Variants in IL1R1 observed in about 807,000 individuals in gnomAD.
The protein encoded by IL1R1 is interleukin-1 receptor type 1.
In IL1R1, 22 loss-of-function variants were observed where a neutral mutation model predicts 50.2. The ratio of observed to expected loss-of-function variants is 0.44; its 90% confidence interval spans 0.31 to 0.63. The LOEUF (loss-of-function observed/expected upper bound fraction) is 0.63. Among genes scored for constraint, IL1R1 ranks in the 20% least tolerant of loss-of-function variants. The probability of loss-of-function intolerance (pLI) is 0.07; values close to 1 mark genes in which losing one functional copy is unlikely to be tolerated. For missense variants in IL1R1, 509 were observed against 676.2 expected (o/e 0.75, Z 2.74); for synonymous variants, 251 against 236.7 (o/e 1.06, Z -0.55).
upstream of IL1R1, among the ~76,000 whole-genome samples, chr2:102,099,714 C>T (rs1680059556): frequency 6.6e-6 from 1 of 152,220 alleles, no homozygotes; most frequent in Non-Finnish European, 1.5e-5. Flanking sequence ...TCCTACCACA[C>T]ATCATTCACT....
At chr2:102,095,493 AAGGCC>A (rs1324236693) in intron 1 of IL1R1, among the ~76,000 whole-genome samples, 21 of 152,208 alleles carry the variant, frequency 1.4e-4, no homozygotes, top group Non-Finnish European at 1.8e-4. Flanking sequence ...TGTAATGTAT[AAGGCC>A]CATATAAGGC....
At chr2:102,120,553 T>C (rs762127343) in intron 1 of IL1R1, among the ~76,000 whole-genome samples, 23 of 152,196 alleles carry the variant, frequency 1.5e-4, no homozygotes, top group Non-Finnish European at 2.9e-4. Flanking sequence ...AGGGTCTGCG[T>C]TGTGTTCATT....
intron 3 of IL1R1, 144 bp downstream of exon 3, chr2:102,157,929 A>T (rs1187957935): frequency 1.6e-6 from 1 of 632,054 alleles, no homozygotes; most frequent in Non-Finnish European, 2.8e-6. Context: ...ATAGACCTGT[A>T]CTGCTGGAAG....
At chr2:102,075,234 A>G (rs1678908656) in intron 1 of IL1R1, among the ~76,000 whole-genome samples, 1 of 152,132 alleles carries the variant, frequency 6.6e-6, no homozygotes. Flanking sequence ...ATCTCATCCA[A>G]TCCAGACCAA....
chr2:102,147,866 T>C (rs952474666), intron 1 of IL1R1, among the ~76,000 whole-genome samples: 1 of 152,254 alleles, frequency 6.6e-6, no homozygotes, highest in African/African-American at 2.4e-5. Flanking sequence ...ATTTTTACTT[T>C]ATCTTCATAT....
At chr2:102,117,767 C>T (rs992564878) in intron 1 of IL1R1, among the ~76,000 whole-genome samples, 1 of 151,996 alleles carries the variant, frequency 6.6e-6, no homozygotes, top group Admixed American at 6.6e-5. Flanking sequence ...GAGCAGAGAG[C>T]GTTTACATTG....
At chr2:102,137,514 AT>A (rs1682413423) in intron 1 of IL1R1, among the ~76,000 whole-genome samples, 1 of 152,164 alleles carries the variant, frequency 6.6e-6, no homozygotes, top group Non-Finnish European at 1.5e-5. Flanking sequence ...TGTACATGGT[AT>A]ACATGTGGCT....
At chr2:102,144,457 C>G (rs934436241) in intron 1 of IL1R1, among the ~76,000 whole-genome samples, 18 of 152,110 alleles carry the variant, frequency 1.2e-4, no homozygotes, top group Non-Finnish European at 2.9e-5. Context: ...CATAATGTGA[C>G]ATCAAGTTTT....
At chr2:102,118,969 G>C (rs959462304) in intron 1 of IL1R1, among the ~76,000 whole-genome samples, 3 of 131,374 alleles carry the variant, frequency 2.3e-5, no homozygotes, top group Non-Finnish European at 4.6e-5. Flanking sequence ...GGTGAGCCGA[G>C]ATCGCTCCAC....
intron 1 of IL1R1, among the ~76,000 whole-genome samples, chr2:102,128,714 C>T (rs1681862743): frequency 6.6e-6 from 1 of 152,152 alleles, no homozygotes; most frequent in African/African-American, 2.4e-5. Context: ...TCTCAAACTC[C>T]TACATGTTTT....
chr2:102,172,774 A>ATT lies in IL1R1; in HGVS notation c.929_930dup (p.Thr311LeufsTer11). ...TTGAAAGTAGATTTTATAAACATCC[A>ATT]TTTACCTGTTTTGCCAAGAATACAC... On this transcript the variant is annotated frameshift_variant, in exon 9 of 12. Coordinates refer to ENST00000410023, the MANE Select transcript of IL1R1 (RefSeq NM_000877.4). LOFTEE classifies it high-confidence loss of function. The ATT allele has an allele frequency of 6.2e-7, 1 of 1,611,956 alleles. No homozygotes were observed. Among genetic ancestry groups the ATT allele is most frequent in the Non-Finnish European group, 8.5e-7 (1 of 1,178,084 alleles).
At chr2:102,129,492 A>G (rs1681912853) in intron 1 of IL1R1, among the ~76,000 whole-genome samples, 1 of 152,240 alleles carries the variant, frequency 6.6e-6, no homozygotes, top group East Asian at 1.9e-4. Context: ...GCTGCGGTGC[A>G]GTAAATTGGA....
chr2:102,094,229 G>A (rs753010934), intron 1 of IL1R1, among the ~76,000 whole-genome samples: 5 of 152,138 alleles, frequency 3.3e-5, no homozygotes, highest in South Asian at 2.1e-4. Context: ...TGGTGAAAAC[G>A]TGAAATTGTG....
chr2:102,133,191 C>T (rs1023820024), intron 1 of IL1R1, among the ~76,000 whole-genome samples: 1 of 146,966 alleles, frequency 6.8e-6, no homozygotes, highest in Admixed American at 6.9e-5. Context: ...TTGCAGTGAG[C>T]CCATATCGTG....
chr2:102,172,190 A>G (rs979686655), intron 8 of IL1R1: 31 of 796,314 alleles, frequency 3.9e-5, no homozygotes, highest in East Asian at 2.5e-4. Flanking sequence ...CGAAGCAATT[A>G]TCTTTCATTA....
At chr2:102,100,608 A>G (rs2104335564), upstream of IL1R1, among the ~76,000 whole-genome samples, 1 of 152,328 alleles carries the variant, frequency 6.6e-6, no homozygotes, top group South Asian at 2.1e-4. Context: ...AAAAGATTGC[A>G]TGAGCTTCAC....
At chr2:102,145,048 G>T (rs1682997802) in intron 1 of IL1R1, among the ~76,000 whole-genome samples, 2 of 152,200 alleles carry the variant, frequency 1.3e-5, no homozygotes, top group South Asian at 4.1e-4. Flanking sequence ...TAATAAGAGA[G>T]GCAAAGCTGG....
chr2:102,107,423 G>A (rs770288979), intron 1 of IL1R1, among the ~76,000 whole-genome samples: 11 of 150,996 alleles, frequency 7.3e-5, no homozygotes, highest in East Asian at 2.0e-4. Flanking sequence ...ATTCTCACTC[G>A]TAGGTGGGAA....
intron 1 of IL1R1, among the ~76,000 whole-genome samples, chr2:102,084,078 C>A (rs867803028): frequency 6.6e-6 from 1 of 152,196 alleles, no homozygotes; most frequent in African/African-American, 2.4e-5. Context: ...GAATCTCTTG[C>A]GACTCTGAAT....
Sources: gnomAD v4.1 joint callset for allele counts (sites outside exome capture counted in the v4.1 genomes callset) on GRCh38, gnomAD v4.1.1 for gene constraint, MANE v1.5 for transcripts, NCBI Gene and HGNC (gene_info 2026-07-23, HGNC 2026-07-21) for gene names.